The following FARP1 variants were observed in gnomAD, a reference collection of about 807,000 sequenced individuals.
FARP1 encodes FERM, ARH/RhoGEF and pleckstrin domain protein 1, also known as FERM, ARHGEF and pleckstrin domain-containing protein 1.
In FARP1, 52 loss-of-function variants were observed where a neutral mutation model predicts 128.8. That is an observed-to-expected ratio of 0.40 (90% CI 0.32 to 0.51). The LOEUF (loss-of-function observed/expected upper bound fraction) is 0.51, where lower values mean the gene tolerates loss of function less well. FARP1 is among the 20% of genes least tolerant of loss of function. FARP1 has a pLI of 0.45. For missense variants in FARP1, 1,333 were observed against 1,367.9 expected, an observed-to-expected ratio of 0.97 and a Z score of 0.40; for synonymous variants, 580 against 551.8, an observed-to-expected ratio of 1.05 and a Z score of -0.72.
At chr13:98,200,138 A>C (rs1879836546) in intron 1 of FARP1, among the ~76,000 whole-genome samples, 1 of 152,214 alleles carries the variant, frequency 6.6e-6, no homozygotes, top group African/African-American at 2.4e-5. Context: ...TGATTGGAAA[A>C]GGCATGCCAC....
chr13:98,446,102 A>AGTT lies in FARP1; in HGVS notation c.2804_2806dup (p.Leu935dup). On this transcript the variant is annotated inframe_insertion, in exon 25 of 27. Transcript: ENST00000319562. Reference sequence around the variant, plus strand: ...ACAGGCCTCCTTGCCTTTCAGAATCAGTTGTCTGGAAACCTGCTGAGGAAA... The same window carrying AGTT: ...ACAGGCCTCCTTGCCTTTCAGAATCAGTTGTTGTCTGGAAACCTGCTGAGGAAA... 4 of 1,612,124 alleles carry AGTT rather than the reference A, an allele frequency of 2.5e-6. No individual in the cohort carries two copies. Among genetic ancestry groups the AGTT allele is most frequent in the Non-Finnish European group, 3.4e-6 (4 of 1,178,226 alleles).
intron 2 of FARP1, among the ~76,000 whole-genome samples, chr13:98,285,443 G>GCT: frequency 6.6e-6 from 1 of 152,244 alleles, no homozygotes; most frequent in Non-Finnish European, 1.5e-5. Context: ...CCCCTGGGAA[G>GCT]CTGCGTGGTT....
rs144103047 is a variant in FARP1 at position 98,211,689 on chromosome 13, T to C, written c.-23-1531T>C. ...GTCTCTTTCCAAGTATTTTCCAACA[T>C]TTGAGACCAACTTGAGTTCAATTCT... On this transcript the variant is annotated intron_variant, in intron 1 of 26. Transcript: ENST00000319562. Among the ~76,000 whole-genome samples the C allele has an allele frequency of 1.8e-4, 28 of 152,322 alleles. 1 individual carries two copies. The East Asian group carries it at 4.1e-3, about 22-fold the overall frequency.
intron 2 of FARP1, among the ~76,000 whole-genome samples, chr13:98,232,872 T>A (rs1448783806): frequency 6.6e-6 from 1 of 152,216 alleles, no homozygotes; most frequent in Non-Finnish European, 1.5e-5. Flanking sequence ...GAAATCAATC[T>A]CTAATGGTTT....
At chr13:98,209,948 C>T (rs968023364) in intron 1 of FARP1, among the ~76,000 whole-genome samples, 2 of 151,108 alleles carry the variant, frequency 1.3e-5, no homozygotes, top group Non-Finnish European at 2.9e-5. Flanking sequence ...CGCCACTGCA[C>T]TCCAGCCTAG....
Position 98,372,095 on chromosome 13 carries a change from T to C in FARP1, c.398+3900T>C, listed in dbSNP as rs531804945. On this transcript the variant is annotated intron_variant, in intron 5 of 26. Transcript: ENST00000319562. ...TCCCAGTTTTTCTTTTTTTTTTTTTTTTTTTTTTGGCGATGGAGTCTCGCT... is the reference window on the plus strand; with the variant it reads ...TCCCAGTTTTTCTTTTTTTTTTTTTCTTTTTTTTGGCGATGGAGTCTCGCT... Among the ~76,000 whole-genome samples the C allele has an allele frequency of 3.8e-3, 555 of 145,982 alleles. 4 individuals carry two copies. The highest frequency in any genetic ancestry group is 5.5e-3 in the Non-Finnish European group (367 of 66,208).
intron 2 of FARP1, among the ~76,000 whole-genome samples, chr13:98,311,828 T>G (rs1366505668): frequency 2.1e-5 from 3 of 143,116 alleles, no homozygotes; most frequent in African/African-American, 7.5e-5. Flanking sequence ...TTTTATTTCG[T>G]TTTGTTTTTT....
intron 2 of FARP1, among the ~76,000 whole-genome samples, chr13:98,321,989 T>C (rs1341695148): frequency 6.6e-6 from 1 of 152,192 alleles, no homozygotes; most frequent in Non-Finnish European, 1.5e-5. Flanking sequence ...AAATGGGTAT[T>C]GTTTGATTGA....
At position 98,249,364 on chromosome 13, in the gene FARP1, T is replaced by A. The variant is rs191065446; in HGVS notation, c.171+35951T>A. ...GGTGAACTTTTTTGGGAACATAAAA[T>A]TTTTAATGATACGATACTTCTTTTA... On this transcript the variant is annotated intron_variant, in intron 2 of 26. Coordinates refer to ENST00000319562, the MANE Select transcript of FARP1 (RefSeq NM_005766.4). 8.7e-4 allele frequency among the ~76,000 whole-genome samples: 132 copies of A among 152,340 alleles called. 4 individuals carry two copies. In the East Asian group the frequency reaches 0.025, roughly 28 times the overall value.
intron 2 of FARP1, among the ~76,000 whole-genome samples, chr13:98,310,200 G>A (rs1385423700): frequency 1.3e-5 from 2 of 151,940 alleles, no homozygotes; most frequent in African/African-American, 4.8e-5. Context: ...CCTTCCCGAC[G>A]GCAGCTTTGA....
Position 98,336,822 on chromosome 13 carries a change from A to G in FARP1, c.172-6940A>G, listed in dbSNP as rs368098109. Among the ~76,000 whole-genome samples the G allele has an allele frequency of 7.9e-4, 121 of 152,368 alleles. 1 individual carries two copies. Among genetic ancestry groups the G allele is most frequent in the African/African-American group, 2.8e-3 (115 of 41,586 alleles). ...GGTTGGTGCGCTAGATTAAAATTCA[A>G]CTGCCTTTTAGAGCATCATTAAAAG... On this transcript the variant is annotated intron_variant, in intron 2 of 26. Transcript: ENST00000319562.
chr13:98,293,823 A>G (rs1396902595), intron 2 of FARP1, among the ~76,000 whole-genome samples: 3 of 152,164 alleles, frequency 2.0e-5, no homozygotes, highest in Non-Finnish European at 4.4e-5. Flanking sequence ...AGGGCCAGGC[A>G]TCCTGTCTTT....
At chr13:98,170,740 C>T (rs1288438648) in intron 1 of FARP1, among the ~76,000 whole-genome samples, 1 of 152,176 alleles carries the variant, frequency 6.6e-6, no homozygotes, top group East Asian at 1.9e-4. Flanking sequence ...GATCTGCCCA[C>T]CTCGGCCTCC....
In FARP1 at chr13:98,277,484, C is replaced by T. The variant is rs116869908; in HGVS notation, c.171+64071C>T. 3.7e-3 allele frequency among the ~76,000 whole-genome samples: 560 copies of T among 152,234 alleles called. 3 individuals are homozygous for T. The highest frequency in any genetic ancestry group is 4.2e-3 in the Non-Finnish European group (287 of 68,022). On this transcript the variant is annotated intron_variant, in intron 2 of 26. Coordinates refer to ENST00000319562, the MANE Select transcript of FARP1 (RefSeq NM_005766.4). ...TAGAAAGAAATATATTAATTAACAT[C>T]TACAAAGAGATGATCCATGTCCACA...
At chr13:98,409,612 A>G in intron 14 of FARP1, 87 bp downstream of exon 14, 1 of 1,249,684 alleles carries the variant, frequency 8.0e-7, no homozygotes, top group Non-Finnish European at 1.1e-6. Flanking sequence ...AAATATACAT[A>G]AGAGCAAAGG....
In FARP1 at chr13:98,176,022, G is replaced by A; in HGVS notation, c.-24+32530G>A. ...GCAAATAATTCTGCAGTGAACATGG[G>A]AGTGCACATACCTCTTTGAGATCCG... On this transcript the variant is annotated intron_variant, in intron 1 of 26. Transcript: ENST00000319562. This position sits in a 1 kb window ranked among gnomAD's most constrained non-coding sequence, Gnocchi z 6.2. 2.6e-6 allele frequency: 2 copies of A among 758,854 alleles called. No homozygotes were observed. The allele number at this position is 758,854 out of a possible 1,614,324, so 47.0% of individuals were successfully genotyped here.
intron 2 of FARP1, among the ~76,000 whole-genome samples, chr13:98,237,631 C>T (rs1273656723): frequency 6.6e-6 from 1 of 152,166 alleles, no homozygotes; most frequent in East Asian, 1.9e-4. Flanking sequence ...ACATTTAGTG[C>T]AATACTGTAA....
chr13:98,382,029 C>G (rs144009671), intron 6 of FARP1, among the ~76,000 whole-genome samples: 1 of 151,392 alleles, frequency 6.6e-6, no homozygotes, highest in African/African-American at 2.4e-5. Flanking sequence ...TCAAGACTAG[C>G]CTGGGCAACA....
At chr13:98,296,857 G>A (rs1318713271) in intron 2 of FARP1, among the ~76,000 whole-genome samples, 4 of 151,854 alleles carry the variant, frequency 2.6e-5, no homozygotes, top group Admixed American at 6.6e-5. Flanking sequence ...GCTAATTTTT[G>A]TATTTTTTGT....
Sources: gnomAD v4.1 joint callset for allele counts (sites outside exome capture counted in the v4.1 genomes callset) on GRCh38, gnomAD v4.1.1 for gene constraint, Gnocchi (gnomAD v3.1) non-coding constraint, MANE v1.5 for transcripts, NCBI Gene and HGNC (gene_info 2026-07-23, HGNC 2026-07-21) for gene names.